PCSK2: variants seen among roughly 807,000 people sequenced by gnomAD.
PCSK2 encodes the protein proprotein convertase subtilisin/kexin type 2.
PCSK2 carries 14 observed loss-of-function variants against 69.7 expected under a neutral mutation model. The observed-to-expected ratio is 0.20, with a 90% CI of 0.13 to 0.31. The LOEUF (loss-of-function observed/expected upper bound fraction) is 0.31. Ranked by LOEUF, PCSK2 falls within the 10% of genes least tolerant of loss-of-function variation. The pLI is 1.00. For missense variants in PCSK2, 544 were observed against 842.5 expected (o/e 0.65, Z 4.39); for synonymous variants, 307 against 320.7 (o/e 0.96, Z 0.46).
chr20:17,360,577 G>T lies in PCSK2; in HGVS notation c.442G>T (p.Val148Leu). Reference sequence around the variant, plus strand: ...TGGCACTCCTGGCCTTGATTTGAATGTGGCTGAAGCCTGGGAGCTGGGATA... The same window carrying T: ...TGGCACTCCTGGCCTTGATTTGAATTTGGCTGAAGCCTGGGAGCTGGGATA... ...ADGTPGLDLNVAEAWELGYTG... is the reference protein window; with the variant it reads ...ADGTPGLDLNLAEAWELGYTG... Residue 148 changes from valine (V) to leucine (L), a missense_variant, in exon 4 of 12, where the codon GTG becomes TTG. Physicochemically the swap from Val to Leu is conservative, Grantham distance 32. Transcript: ENST00000262545. 4 of 1,613,148 alleles carry T rather than the reference G, an allele frequency of 2.5e-6. No homozygotes were observed. Among genetic ancestry groups the T allele is most frequent in the Non-Finnish European group, 3.4e-6 (4 of 1,179,482 alleles).
At chr20:17,270,629 A>C (rs1176905438) in intron 2 of PCSK2, among the ~76,000 whole-genome samples, 1 of 152,146 alleles carries the variant, frequency 6.6e-6, no homozygotes, top group Non-Finnish European at 1.5e-5. Context: ...ATAGTTTTCC[A>C]TTCCCCCTGA....
chr20:17,386,742 T>G (rs916166726), intron 5 of PCSK2, among the ~76,000 whole-genome samples: 1 of 152,200 alleles, frequency 6.6e-6, no homozygotes, highest in African/African-American at 2.4e-5. Context: ...TACTGAACTG[T>G]ACACTTAAAA....
rs141089853 is a variant in PCSK2, at chr20:17,421,455, C to T, written c.621-7980C>T. On this transcript the variant is annotated intron_variant, in intron 6 of 11. Coordinates refer to ENST00000262545, the MANE Select transcript of PCSK2 (RefSeq NM_002594.5). ...AGCTCATTGGACATTAGCCAGCAAA[C>T]GTGGTCGACGCCAAACTAGCCAGGA... Among the ~76,000 whole-genome samples the T allele has an allele frequency of 4.6e-5, 7 of 152,266 alleles. No homozygotes were observed. The South Asian group carries it at 1.0e-3, about 23-fold the overall frequency.
At chr20:17,418,774 C>A (rs1600564865) in intron 6 of PCSK2, among the ~76,000 whole-genome samples, 1 of 152,158 alleles carries the variant, frequency 6.6e-6, no homozygotes, top group Non-Finnish European at 1.5e-5. Flanking sequence ...GCATAGGCAC[C>A]AAATCCGATG....
intron 8 of PCSK2, among the ~76,000 whole-genome samples, chr20:17,446,732 G>A (rs543465441): frequency 6.6e-6 from 1 of 152,262 alleles, no homozygotes; most frequent in Non-Finnish European, 1.5e-5. Flanking sequence ...AGTGCAGAAA[G>A]GCAATATTCA....
At chr20:17,310,493 T>C (rs1989470704) in intron 2 of PCSK2, among the ~76,000 whole-genome samples, 1 of 152,154 alleles carries the variant, frequency 6.6e-6, no homozygotes, top group African/African-American at 2.4e-5. Context: ...CTTGTTCCTC[T>C]TATCTTGACC....
chr20:17,445,022 G>A (rs1162286042), intron 8 of PCSK2, among the ~76,000 whole-genome samples: 1 of 152,136 alleles, frequency 6.6e-6, no homozygotes, highest in Non-Finnish European at 1.5e-5. Flanking sequence ...AAAGCCCAAG[G>A]GATATGGGCT....
At chr20:17,466,833 G>C (rs1310108108) in intron 11 of PCSK2, among the ~76,000 whole-genome samples, 1 of 152,114 alleles carries the variant, frequency 6.6e-6, no homozygotes, top group African/African-American at 2.4e-5. Context: ...CGCTCCACAG[G>C]CACCCTTTGT....
chr20:17,385,801 C>T (rs184829557), intron 5 of PCSK2, among the ~76,000 whole-genome samples: 158 of 152,242 alleles, frequency 1.0e-3, no homozygotes, highest in Non-Finnish European at 1.8e-3. Context: ...CTGTGGGCAA[C>T]AGGAGCTCAG....
At chr20:17,365,714 A>G (rs4814610) in intron 4 of PCSK2, among the ~76,000 whole-genome samples, 144,395 of 152,302 alleles carry the variant, frequency 0.95, 68,531 homozygotes, top group East Asian at 1. Flanking sequence ...ATACATTCCC[A>G]TTCCCAAAGG....
At chr20:17,352,274 C>T (rs1390324732) in intron 2 of PCSK2, among the ~76,000 whole-genome samples, 1 of 152,142 alleles carries the variant, frequency 6.6e-6, no homozygotes, top group Non-Finnish European at 1.5e-5. Context: ...GGTCATACTG[C>T]CCAAAGCAAT....
At chr20:17,349,031 G>A (rs1006337447) in intron 2 of PCSK2, among the ~76,000 whole-genome samples, 8 of 152,098 alleles carry the variant, frequency 5.3e-5, no homozygotes, top group African/African-American at 1.4e-4. Context: ...TGTGGTTGTC[G>A]GGGAAAATAA....
chr20:17,301,397 G>C (rs1163326129), intron 2 of PCSK2, among the ~76,000 whole-genome samples: 2 of 152,138 alleles, frequency 1.3e-5, no homozygotes, highest in African/African-American at 4.8e-5. Flanking sequence ...AGAACTGTGA[G>C]AGTAAAAAAG....
chr20:17,472,226 G>C (rs112015839), intron 11 of PCSK2, among the ~76,000 whole-genome samples: 3 of 152,240 alleles, frequency 2.0e-5, no homozygotes. Context: ...CTTTAAGGCT[G>C]TGCCAAAATA....
chr20:17,329,300 C>T (rs564099527), intron 2 of PCSK2, among the ~76,000 whole-genome samples: 132 of 152,240 alleles, frequency 8.7e-4, no homozygotes, highest in African/African-American at 3.0e-3. Flanking sequence ...TTACAAGATG[C>T]TGTGTTCTAC....
chr20:17,304,438 A>G (rs1022943507), intron 2 of PCSK2, among the ~76,000 whole-genome samples: 5 of 152,196 alleles, frequency 3.3e-5, no homozygotes, highest in Non-Finnish European at 5.9e-5. Context: ...TTTTCAATCC[A>G]TGATTTCTTA....
At chr20:17,472,996 T>G (rs879684027) in intron 11 of PCSK2, among the ~76,000 whole-genome samples, 5 of 151,212 alleles carry the variant, frequency 3.3e-5, no homozygotes, top group Non-Finnish European at 7.4e-5. Flanking sequence ...AAAATAAAGA[T>G]ACAAGCCACC....
intron 5 of PCSK2, among the ~76,000 whole-genome samples, chr20:17,390,817 C>G (rs1352541837): frequency 6.6e-6 from 1 of 152,216 alleles, no homozygotes; most frequent in Non-Finnish European, 1.5e-5. Flanking sequence ...TTTTCCTCCT[C>G]TATACAACCC....
At chr20:17,376,619 A>T (rs1479317454) in intron 5 of PCSK2, among the ~76,000 whole-genome samples, 2 of 152,170 alleles carry the variant, frequency 1.3e-5, no homozygotes, top group African/African-American at 4.8e-5. Context: ...CATAGTGTGT[A>T]TTTCTTTTGA....
Sources: gnomAD v4.1 joint callset for allele counts (sites outside exome capture counted in the v4.1 genomes callset) on GRCh38, gnomAD v4.1.1 for gene constraint, MANE v1.5 for transcripts, NCBI Gene and HGNC (gene_info 2026-07-23, HGNC 2026-07-21) for gene names.